Variants in OR10Z1 observed in about 807,000 individuals in gnomAD.
OR10Z1 encodes the protein olfactory receptor family 10 subfamily Z member 1.
For synonymous variants in OR10Z1, 187 were observed against 151.2 expected (o/e 1.24, Z -1.74); for missense variants, 468 against 371.0 (o/e 1.26, Z -2.15).
chr1:158,608,260 C>T lies in OR10Z1; in HGVS notation c.*880C>T, dbSNP rs1046347112. 6.6e-6 allele frequency: 1 copy of T among 152,078 alleles called. No individual in the cohort carries two copies. The highest frequency in any genetic ancestry group is 2.4e-5 in the African/African-American group (1 of 41,410). 9.4% of individuals were successfully genotyped at this position (152,078 alleles called of 1,614,324 possible). The stretch of plus-strand genomic sequence containing the variant: ...GGATACTGTTCTTTTGAATCTATTG[C>T]AGAACTATCTATTCTGCCTATTCCA... On this transcript the variant is annotated 3_prime_UTR_variant, in exon 2 of 2. Transcript: ENST00000641002.
Position 158,607,151 on chromosome 1 carries a change from T to C in OR10Z1, c.713T>C (p.Phe238Ser), listed in dbSNP as rs1300340222. ...TCTGCTGAGGGGCAGAAGAAGGCCT[T>C]CTCCACTTGTGCCTCGCACCTTACA... ...IPSAEGQKKA[F>S]STCASHLTVV... Residue 238 changes from phenylalanine (F) to serine (S), a missense_variant, in exon 2 of 2, where the codon TTC becomes TCC. Physicochemically the swap from Phe to Ser is radical, Grantham distance 155. Coordinates refer to ENST00000641002, the MANE Select transcript of OR10Z1 (RefSeq NM_001004478.2). 8 of 1,613,938 alleles carry C rather than the reference T, an allele frequency of 5.0e-6. No individual in the cohort carries two copies. The highest frequency in any genetic ancestry group is 5.9e-6 in the Non-Finnish European group (7 of 1,179,990).
At position 158,608,519 on chromosome 1, in the gene OR10Z1, G is replaced by A. The variant is rs1022697598; in HGVS notation, c.*1139G>A. The A allele has an allele frequency of 3.9e-5, 6 of 152,096 alleles. No individual in the cohort carries two copies. Among genetic ancestry groups the A allele is most frequent in the East Asian group, 1.9e-4 (1 of 5,192 alleles). The allele number at this position is 152,096 out of a possible 1,614,324, so 9.4% of individuals were successfully genotyped here. A position where few individuals can be genotyped will look rare whatever the true frequency, so the allele number is the denominator to read the frequency against. ...TTTAGCACAACCCTTGGATCATAGC[G>A]ATCGTCCAATAAATTCCAGTTGCTA... On this transcript the variant is annotated 3_prime_UTR_variant, in exon 2 of 2. Coordinates refer to ENST00000641002, the MANE Select transcript of OR10Z1 (RefSeq NM_001004478.2).
chr1:158,611,047 C>A lies in OR10Z1; in HGVS notation c.*3667C>A. On this transcript the variant is annotated 3_prime_UTR_variant, in exon 2 of 2. Coordinates refer to ENST00000641002, the MANE Select transcript of OR10Z1 (RefSeq NM_001004478.2). ...AGTTGCATACAAAATAGCTTCCACTCCTCCAACTCTATTAACCTTTCTATC... is the reference window on the plus strand; with the variant it reads ...AGTTGCATACAAAATAGCTTCCACTACTCCAACTCTATTAACCTTTCTATC... 1.7e-6 allele frequency: 1 copy of A among 595,264 alleles called. No homozygotes were observed. The allele number at this position is 595,264 out of a possible 1,614,324, so 36.9% of individuals were successfully genotyped here.
In OR10Z1 at chr1:158,606,492, C is replaced by T. The variant is rs1277358664; in HGVS notation, c.54C>T (p.Ser18=). 11 of 1,613,870 alleles carry T rather than the reference C, an allele frequency of 6.8e-6. No individual in the cohort carries two copies. Among genetic ancestry groups the T allele is most frequent in the Middle Eastern group, 1.6e-4 (1 of 6,078 alleles). The part of the protein sequence containing the change: ...SWRDFVFLGF[S]SSGELQLLLF... Reference sequence around the variant, plus strand: ...GGGATTTTGTCTTCCTGGGCTTCTCCAGTTCTGGGGAGTTGCAGCTCCTTC... The same window carrying T: ...GGGATTTTGTCTTCCTGGGCTTCTCTAGTTCTGGGGAGTTGCAGCTCCTTC... The change falls in exon 2 of 2, where the codon TCC becomes TCT. Residue 18 remains serine, a synonymous_variant. Coordinates refer to ENST00000641002, the MANE Select transcript of OR10Z1 (RefSeq NM_001004478.2).
Position 158,609,452 on chromosome 1 carries a change from A to G in OR10Z1, c.*2072A>G, listed in dbSNP as rs1036695294. 1.3e-5 allele frequency: 2 copies of G among 152,202 alleles called. No homozygotes were observed. The highest frequency in any genetic ancestry group is 6.5e-5 in the Admixed American group (1 of 15,268). The allele number at this position is 152,202 out of a possible 1,614,324, so 9.4% of individuals were successfully genotyped here. A position where few individuals can be genotyped will look rare whatever the true frequency, so the allele number is the denominator to read the frequency against. ...GAGGCCATGTGAGCAAATTCATTTCACCAGTTCATTCAGTCTGCCCAGCAT... is the reference window on the plus strand; with the variant it reads ...GAGGCCATGTGAGCAAATTCATTTCGCCAGTTCATTCAGTCTGCCCAGCAT... On this transcript the variant is annotated 3_prime_UTR_variant, in exon 2 of 2. Coordinates refer to ENST00000641002, the MANE Select transcript of OR10Z1 (RefSeq NM_001004478.2).
At position 158,607,301 on chromosome 1, in the gene OR10Z1, T is replaced by C. The variant is rs757036989; in HGVS notation, c.863T>C (p.Ile288Thr). Reference protein sequence around the residue: ...YTVVTPLLNPIVYSLRNRAIQ... With the variant: ...YTVVTPLLNPTVYSLRNRAIQ... ...GTAGTGACCCCCCTCCTTAATCCCA[T>C]TGTTTATAGTCTAAGGAATAGGGCT... is the stretch of plus-strand genomic sequence containing the variant. Residue 288 changes from isoleucine (I) to threonine (T), a missense_variant, in exon 2 of 2, where the codon ATT becomes ACT. Transcript: ENST00000641002. 1.9e-6 allele frequency: 3 copies of C among 1,613,844 alleles called. No homozygotes were observed. Among genetic ancestry groups the C allele is most frequent in the Non-Finnish European group, 1.7e-6 (2 of 1,179,790 alleles).
In OR10Z1 at chr1:158,606,532, C is replaced by A; in HGVS notation, c.94C>A (p.Leu32Ile). 4.3e-6 allele frequency: 7 copies of A among 1,613,912 alleles called. No individual in the cohort carries two copies. Among genetic ancestry groups the A allele is most frequent in the Non-Finnish European group, 5.9e-6 (7 of 1,179,884 alleles). Residue 32 changes from leucine to isoleucine, a missense_variant, in exon 2 of 2, where the codon CTC becomes ATC. Coordinates refer to ENST00000641002, the MANE Select transcript of OR10Z1 (RefSeq NM_001004478.2). ...GCAGCTCCTTCTCTTTGCCTTGTTCCTCTCTCTGTATCTAGTCACTCTGAC... is the reference window on the plus strand; with the variant it reads ...GCAGCTCCTTCTCTTTGCCTTGTTCATCTCTCTGTATCTAGTCACTCTGAC... ...ELQLLLFALF[L>I]SLYLVTLTSN...
rs1426049996 is a variant in OR10Z1, at chr1:158,611,236, T to C, written c.*3856T>C. On this transcript the variant is annotated 3_prime_UTR_variant, in exon 2 of 2. Transcript: ENST00000641002. ...CAGTAAATTTCCCACGACACTAAGA[T>C]TTTCTACGATCCACGAGGAGCTGCT... The C allele has an allele frequency of 2.5e-6, 4 of 1,612,174 alleles. No homozygotes were observed. Among genetic ancestry groups the C allele is most frequent in the East Asian group, 4.5e-5 (2 of 44,802 alleles).
In OR10Z1 at chr1:158,608,441, G is replaced by A. The variant is rs1308124032; in HGVS notation, c.*1061G>A. The A allele has an allele frequency of 8.4e-6, 1 of 119,086 alleles. No individual in the cohort carries two copies. The highest frequency in any genetic ancestry group is 1.8e-5 in the Non-Finnish European group (1 of 56,418). The allele number at this position is 119,086 out of a possible 1,614,324, so 7.4% of individuals were successfully genotyped here. On this transcript the variant is annotated 3_prime_UTR_variant, in exon 2 of 2. Coordinates refer to ENST00000641002, the MANE Select transcript of OR10Z1 (RefSeq NM_001004478.2). ...TTATTTAACATTTTTTTCAGCTTCC[G>A]AGTCTTATCTTTACAATGGTTGGTG...
At chr1:158,606,166 T>G (rs959825688) in intron 1 of OR10Z1, among the ~76,000 whole-genome samples, 160 bp from the exon 2 acceptor site, 2 of 152,214 alleles carry the variant, frequency 1.3e-5, no homozygotes, top group Non-Finnish European at 2.9e-5. Context: ...ATACATATGT[T>G]TGTGTGCAAG....
chr1:158,606,168 G>A (rs1649041805), intron 1 of OR10Z1, among the ~76,000 whole-genome samples, 158 bp from the exon 2 acceptor site: 1 of 152,182 alleles, frequency 6.6e-6, no homozygotes, highest in African/African-American at 2.4e-5. Context: ...ACATATGTTT[G>A]TGTGCAAGTA....
chr1:158,612,465 A>C lies in OR10Z1; in HGVS notation c.*5085A>C, dbSNP rs925112282. 1.8e-5 allele frequency: 6 copies of C among 328,780 alleles called. No individual in the cohort carries two copies. In the Admixed American group the frequency reaches 2.6e-4, roughly 15 times the overall value. The allele number at this position is 328,780 out of a possible 1,614,324, so 20.4% of individuals were successfully genotyped here. A position where few individuals can be genotyped will look rare whatever the true frequency, so the allele number is the denominator to read the frequency against. ...TGTAAAGTTCTGTCTTCCCCACTAC[A>C]CCTGAATTTAGGGACTGTGTCTTAC... On this transcript the variant is annotated 3_prime_UTR_variant, in exon 2 of 2. Coordinates refer to ENST00000641002, the MANE Select transcript of OR10Z1 (RefSeq NM_001004478.2).
At position 158,611,131 on chromosome 1, in the gene OR10Z1, G is replaced by GCACACA. The variant is rs55832242; in HGVS notation, c.*3781_*3786dup. On this transcript the variant is annotated 3_prime_UTR_variant, in exon 2 of 2. Coordinates refer to ENST00000641002, the MANE Select transcript of OR10Z1 (RefSeq NM_001004478.2). Reference sequence around the variant, plus strand: ...AAATGTAATATGCACACAAACACAAGCACACACACACACACACACACACAC... The same window carrying GCACACA: ...AAATGTAATATGCACACAAACACAAGCACACACACACACACACACACACACACACAC... 24,531 of 668,816 alleles carry GCACACA rather than the reference G, an allele frequency of 0.037. 241 individuals are homozygous for GCACACA. Among genetic ancestry groups the GCACACA allele is most frequent in the Middle Eastern group, 0.041 (106 of 2,586 alleles). 41.4% of individuals were successfully genotyped at this position (668,816 alleles called of 1,614,324 possible). A position where few individuals can be genotyped will look rare whatever the true frequency, so the allele number is the denominator to read the frequency against.
In OR10Z1 at chr1:158,611,131, G is replaced by GCACACACACACA. The variant is rs55832242; in HGVS notation, c.*3775_*3786dup. 0.011 allele frequency: 7,550 copies of GCACACACACACA among 670,382 alleles called. 70 individuals carry two copies. Among genetic ancestry groups the GCACACACACACA allele is most frequent in the African/African-American group, 0.031 (1,636 of 53,454 alleles). The allele number at this position is 670,382 out of a possible 1,614,324, so 41.5% of individuals were successfully genotyped here. On this transcript the variant is annotated 3_prime_UTR_variant, in exon 2 of 2. Transcript: ENST00000641002. ...AAATGTAATATGCACACAAACACAA[G>GCACACACACACA]CACACACACACACACACACACACAC...
chr1:158,607,650 C>A lies in OR10Z1; in HGVS notation c.*270C>A. On this transcript the variant is annotated 3_prime_UTR_variant, in exon 2 of 2. Transcript: ENST00000641002. ...AGATGCCACCCCTAGTTACTGAAAC[C>A]CATTGAGAATTAAAAATTTAATTAA... 1 of 353,712 alleles carries A rather than the reference C, an allele frequency of 2.8e-6. No homozygotes were observed. Among genetic ancestry groups the A allele is most frequent in the Non-Finnish European group, 5.1e-6 (1 of 196,470 alleles). The allele number at this position is 353,712 out of a possible 1,614,324, so 21.9% of individuals were successfully genotyped here. A position where few individuals can be genotyped will look rare whatever the true frequency, so the allele number is the denominator to read the frequency against.
In OR10Z1 at chr1:158,611,580, G is replaced by A. The variant is rs1239427712; in HGVS notation, c.*4200G>A. The A allele has an allele frequency of 3.6e-6, 2 of 552,672 alleles. No individual in the cohort carries two copies. The highest frequency in any genetic ancestry group is 6.2e-6 in the Non-Finnish European group (2 of 323,188). The allele number at this position is 552,672 out of a possible 1,614,324, so 34.2% of individuals were successfully genotyped here. ...ATGAGTAACTTAACTTTTAATCTCA[G>A]CCCTTTCTTGAAAAAGAGAGCTTAC... On this transcript the variant is annotated 3_prime_UTR_variant, in exon 2 of 2. Coordinates refer to ENST00000641002, the MANE Select transcript of OR10Z1 (RefSeq NM_001004478.2).
Position 158,607,285 on chromosome 1 carries a change from C to G in OR10Z1, c.847C>G (p.Pro283Ala). Reference sequence around the variant, plus strand: ...TGCCATGACCTATACTGTAGTGACCCCCCTCCTTAATCCCATTGTTTATAG... The same window carrying G: ...TGCCATGACCTATACTGTAGTGACCGCCCTCCTTAATCCCATTGTTTATAG... ...LIAMTYTVVT[P>A]LLNPIVYSLR... Residue 283 changes from proline to alanine, a missense_variant, in exon 2 of 2, where the codon CCC becomes GCC. Physicochemically the swap from Pro to Ala is conservative, Grantham distance 27. Coordinates refer to ENST00000641002, the MANE Select transcript of OR10Z1 (RefSeq NM_001004478.2). The G allele has an allele frequency of 6.2e-7, 1 of 1,613,978 alleles. No individual in the cohort carries two copies. The highest frequency in any genetic ancestry group is 8.5e-7 in the Non-Finnish European group (1 of 1,179,892).
chr1:158,607,298 C>T lies in OR10Z1; in HGVS notation c.860C>T (p.Pro287Leu). 1 of 1,613,880 alleles carries T rather than the reference C, an allele frequency of 6.2e-7. No individual in the cohort carries two copies. Among genetic ancestry groups the T allele is most frequent in the Non-Finnish European group, 8.5e-7 (1 of 1,179,820 alleles). Residue 287 changes from proline (P) to leucine (L), a missense_variant, in exon 2 of 2, where the codon CCC becomes CTC. Transcript: ENST00000641002. ...TYTVVTPLLNPIVYSLRNRAI... is the reference protein window; with the variant it reads ...TYTVVTPLLNLIVYSLRNRAI... ...ACTGTAGTGACCCCCCTCCTTAATCCCATTGTTTATAGTCTAAGGAATAGG... is the reference window on the plus strand; with the variant it reads ...ACTGTAGTGACCCCCCTCCTTAATCTCATTGTTTATAGTCTAAGGAATAGG...
Position 158,606,850 on chromosome 1 carries a change from C to A in OR10Z1, c.412C>A (p.Pro138Thr), listed in dbSNP as rs146023081. 3 of 1,613,930 alleles carry A rather than the reference C, an allele frequency of 1.9e-6. No homozygotes were observed. In the African/African-American group the frequency reaches 4.0e-5, roughly 22 times the overall value. ...APLHYASHMNPTLCAQLVITS... is the reference protein window; with the variant it reads ...APLHYASHMNTTLCAQLVITS... ...ACTCCACTATGCCAGCCACATGAAT[C>A]CTACCCTCTGTGCCCAGCTGGTCAT... The change falls in exon 2 of 2, where the codon CCT becomes ACT. Residue 138 changes from proline (P) to threonine (T), a missense_variant. By Grantham distance (38) the Pro-to-Thr change is conservative. Coordinates refer to ENST00000641002, the MANE Select transcript of OR10Z1 (RefSeq NM_001004478.2).
Sources: allele counts gnomAD v4.1 joint callset (sites outside exome capture counted in the v4.1 genomes callset), GRCh38; gene constraint gnomAD v4.1.1; transcripts MANE v1.5; gene names NCBI Gene and HGNC (gene_info 2026-07-23, HGNC 2026-07-21).